Variants in TMEM232 observed in about 807,000 individuals in gnomAD.
The protein encoded by TMEM232 is transmembrane protein 232.
A neutral mutation model predicts 78.8 loss-of-function variants in TMEM232; 80 were observed. The ratio of observed to expected loss-of-function variants is 1.01; its 90% CI spans 0.85 to 1.22. The LOEUF (loss-of-function observed/expected upper bound fraction) is 1.22. Among genes scored for constraint, TMEM232 ranks in the 50% most tolerant of loss-of-function variants. TMEM232 has a pLI of 0.00. For synonymous variants in TMEM232, 297 were observed against 254.3 expected (o/e 1.17, Z -1.60); for missense variants, 881 against 742.2 (o/e 1.19, Z -2.17).
In TMEM232 at chr5:110,606,208, C is replaced by A. The variant is rs370146570; in HGVS notation, c.982G>T (p.Val328Leu). ...NMACLKALMD[V>L]VRDFVSSIMS... is the part of the protein sequence containing the mutation. ...ATGCTTGAAACAAAATCTCTCACTA[C>A]GTCCATTAAAGCTTTCAAGCAGGCC... The change falls in exon 9 of 14, where the codon GTA (valine) becomes TTA (leucine). Residue 328 changes from valine (V) to leucine (L), a missense_variant. By Grantham distance (32) the Val-to-Leu change is conservative (BLOSUM62 1). Coordinates refer to ENST00000455884, the MANE Select transcript of TMEM232 (RefSeq NM_001039763.4). 1.3e-6 allele frequency: 2 copies of A among 1,548,392 alleles called. No homozygotes were observed. The highest frequency in any genetic ancestry group is 2.7e-5 in the African/African-American group (2 of 72,994).
chr5:110,574,519 T>C (rs1045130390), intron 10 of TMEM232, among the ~76,000 whole-genome samples: 9 of 152,076 alleles, frequency 5.9e-5, no homozygotes, highest in Non-Finnish European at 1.2e-4. Flanking sequence ...GTTTATGCTA[T>C]AAGATTTGAT....
intron 12 of TMEM232, among the ~76,000 whole-genome samples, chr5:110,461,407 T>C (rs974216336): frequency 6.6e-6 from 1 of 152,134 alleles, no homozygotes; most frequent in Non-Finnish European, 1.5e-5. Flanking sequence ...AGAAGAAAAG[T>C]TGCAATCCAG....
intron 5 of TMEM232, among the ~76,000 whole-genome samples, chr5:110,634,245 G>A (rs1294233575): frequency 6.6e-6 from 1 of 151,988 alleles, no homozygotes; most frequent in African/African-American, 2.4e-5. Context: ...TACATTAATA[G>A]TGGAGAACTT....
intron 1 of TMEM232, among the ~76,000 whole-genome samples, chr5:110,736,878 G>A (rs955368109): frequency 3.3e-5 from 5 of 151,456 alleles, no homozygotes; most frequent in Middle Eastern, 3.4e-3. Flanking sequence ...GTTTGCTATC[G>A]GGGCGTTTCT....
chr5:110,436,370 T>C (rs555558971), intron 12 of TMEM232, among the ~76,000 whole-genome samples: 6 of 151,976 alleles, frequency 3.9e-5, no homozygotes, highest in African/African-American at 1.4e-4. Context: ...CCGTGCCACA[T>C]GGTAGTTTGC....
At chr5:110,492,546 C>A (rs926926590) in intron 12 of TMEM232, among the ~76,000 whole-genome samples, 1 of 151,914 alleles carries the variant, frequency 6.6e-6, no homozygotes, top group African/African-American at 2.4e-5. Context: ...CAAATCACAT[C>A]TACCAAAATA....
chr5:110,721,101 C>T (rs762816792), intron 1 of TMEM232, among the ~76,000 whole-genome samples: 8 of 151,864 alleles, frequency 5.3e-5, no homozygotes, highest in Non-Finnish European at 1.0e-4. Context: ...AAAGTTATTC[C>T]CGGTAAAGTT....
At chr5:110,663,001 A>C (rs1393825773) in intron 2 of TMEM232, among the ~76,000 whole-genome samples, 1 of 152,168 alleles carries the variant, frequency 6.6e-6, no homozygotes, top group Non-Finnish European at 1.5e-5. Flanking sequence ...AGTTCTAGTC[A>C]CTAAATTTTA....
chr5:110,508,879 T>C (rs1461743016), intron 12 of TMEM232, among the ~76,000 whole-genome samples: 2 of 143,164 alleles, frequency 1.4e-5, no homozygotes, highest in Non-Finnish European at 3.0e-5. Flanking sequence ...CACACACATA[T>C]ATATGTGTAT....
At chr5:110,562,934 A>T (rs750483036) in intron 11 of TMEM232, among the ~76,000 whole-genome samples, 11 of 152,036 alleles carry the variant, frequency 7.2e-5, no homozygotes, top group Non-Finnish European at 1.3e-4. Flanking sequence ...AAATGTCTCT[A>T]TCTCTAGCTA....
At chr5:110,709,469 G>A (rs1796254473) in intron 1 of TMEM232, among the ~76,000 whole-genome samples, 1 of 152,054 alleles carries the variant, frequency 6.6e-6, no homozygotes, top group Non-Finnish European at 1.5e-5. Context: ...CTCTAGAATA[G>A]ACCATATGTT....
intron 12 of TMEM232, among the ~76,000 whole-genome samples, chr5:110,442,010 T>C (rs1297776488): frequency 6.7e-6 from 1 of 148,656 alleles, no homozygotes; most frequent in Non-Finnish European, 1.5e-5. Context: ...GAGCTCCATG[T>C]ATGTGGCTTC....
At chr5:110,414,860 G>A (rs1756131042), downstream of TMEM232, among the ~76,000 whole-genome samples, 2 of 152,120 alleles carry the variant, frequency 1.3e-5, no homozygotes, top group Non-Finnish European at 2.9e-5. Flanking sequence ...ACTGTAGAGT[G>A]GATAAACTGG....
chr5:110,583,532 T>C (rs528470743), intron 10 of TMEM232, among the ~76,000 whole-genome samples: 1 of 151,870 alleles, frequency 6.6e-6, no homozygotes, highest in East Asian at 1.9e-4. Flanking sequence ...CTAAAACTCA[T>C]AGAAGAAAAT....
chr5:110,402,551 T>C (rs1424903311), intron 2 of TMEM232, among the ~76,000 whole-genome samples: 3 of 152,074 alleles, frequency 2.0e-5, no homozygotes, highest in African/African-American at 7.2e-5. Context: ...AGAGAATTTA[T>C]CAGAAGACTA....
intron 2 of TMEM232, among the ~76,000 whole-genome samples, chr5:110,645,833 C>A (rs975418925): frequency 6.7e-6 from 1 of 150,340 alleles, no homozygotes; most frequent in Admixed American, 6.6e-5. Flanking sequence ...CCACAAAAAT[C>A]TCTTAGAACT....
chr5:110,700,782 A>G (rs200367793), intron 1 of TMEM232, among the ~76,000 whole-genome samples: 2,471 of 126,412 alleles, frequency 0.02, 36 homozygotes, highest in South Asian at 0.054. Flanking sequence ...AGATAGATAG[A>G]TAGGTAGATA....
At chr5:110,455,381 T>A (rs1037450485) in intron 12 of TMEM232, among the ~76,000 whole-genome samples, 5 of 129,944 alleles carry the variant, frequency 3.8e-5, no homozygotes, top group African/African-American at 6.9e-5. Context: ...AGATATAAAC[T>A]TTTTTTTTTT....
chr5:110,554,439 A>C (rs953309015), intron 11 of TMEM232, among the ~76,000 whole-genome samples: 1 of 152,074 alleles, frequency 6.6e-6, no homozygotes, highest in African/African-American at 2.4e-5. Flanking sequence ...GTTAATACTT[A>C]ATAAACTGCC....
Sources: gnomAD v4.1 joint callset for allele counts (sites outside exome capture counted in the v4.1 genomes callset) on GRCh38, gnomAD v4.1.1 for gene constraint, MANE v1.5 for transcripts, NCBI Gene and HGNC (gene_info 2026-07-23, HGNC 2026-07-21) for gene names.